Variants in AGFG1 observed in about 807,000 individuals in gnomAD.
AGFG1 encodes ArfGAP with FG repeats 1, also known as arf-GAP domain and FG repeat-containing protein 1.
In AGFG1, 10 loss-of-function variants were observed where a neutral mutation model predicts 60.6. The ratio of observed to expected loss-of-function variants is 0.16; its 90% CI spans 0.10 to 0.28. The LOEUF (loss-of-function observed/expected upper bound fraction) is 0.28. Among genes scored for constraint, AGFG1 ranks in the 10% least tolerant of loss-of-function variants. The pLI is 1.00. For synonymous variants in AGFG1, 247 were observed against 242.9 expected (o/e 1.02, Z -0.16); for missense variants, 537 against 676.5 (o/e 0.79, Z 2.29).
chr2:227,512,012 G>A (rs890803642), intron 2 of AGFG1, among the ~76,000 whole-genome samples: 5 of 152,118 alleles, frequency 3.3e-5, no homozygotes, highest in East Asian at 3.8e-4. Flanking sequence ...TGATTTTTAC[G>A]TTAAGGAAGC....
At chr2:227,477,347 C>T (rs1377989985) in intron 1 of AGFG1, among the ~76,000 whole-genome samples, 2 of 152,120 alleles carry the variant, frequency 1.3e-5, no homozygotes, top group African/African-American at 4.8e-5. Context: ...AGCTGTGTGA[C>T]AGACATTCTA....
chr2:227,520,293 G>T (rs1395507590), intron 3 of AGFG1, among the ~76,000 whole-genome samples: 1 of 152,122 alleles, frequency 6.6e-6, no homozygotes, highest in Non-Finnish European at 1.5e-5. Context: ...TAATTACCAG[G>T]AAAGTTAGGG....
intron 1 of AGFG1, among the ~76,000 whole-genome samples, chr2:227,475,392 T>C (rs1575055652): frequency 6.6e-6 from 1 of 152,122 alleles, no homozygotes; most frequent in East Asian, 1.9e-4. Context: ...GATCCCCAAA[T>C]AGAGTTCCCA....
intron 5 of AGFG1, 115 bp downstream of exon 5, chr2:227,525,030 C>A: frequency 8.3e-7 from 1 of 1,205,814 alleles, no homozygotes; most frequent in Non-Finnish European, 1.2e-6. Context: ...AATGTTTTGT[C>A]ACTTGTAACT....
At chr2:227,476,073 T>A (rs1389279546) in intron 1 of AGFG1, among the ~76,000 whole-genome samples, 3 of 152,238 alleles carry the variant, frequency 2.0e-5, no homozygotes, top group African/African-American at 4.8e-5. Flanking sequence ...GTTTCTTTTT[T>A]TTCAGATGAC....
At chr2:227,532,288 AT>A (rs1692187463) in intron 6 of AGFG1, 1 of 1,048,502 alleles carries the variant, frequency 9.5e-7, no homozygotes, top group Non-Finnish European at 1.4e-6. Context: ...CCAGTTATAG[AT>A]TGTTAATAAT....
chr2:227,486,352 T>C (rs907483965), intron 1 of AGFG1, among the ~76,000 whole-genome samples: 4 of 152,144 alleles, frequency 2.6e-5, no homozygotes, highest in Admixed American at 1.3e-4. Flanking sequence ...TTATGGACTA[T>C]CATATTGTAG....
intron 1 of AGFG1, among the ~76,000 whole-genome samples, chr2:227,483,452 A>T (rs907511539): frequency 6.6e-6 from 1 of 152,232 alleles, no homozygotes; most frequent in Non-Finnish European, 1.5e-5. Flanking sequence ...AAATTAGAAC[A>T]TGCAAGTTTT....
chr2:227,472,707 G>A (rs1480500720), intron 1 of AGFG1, 119 bp downstream of exon 1: 17 of 1,171,858 alleles, frequency 1.5e-5, no homozygotes, highest in Non-Finnish European at 1.8e-5. Context: ...GGCGGTCGGG[G>A]GCGGCCGTTG....
chr2:227,511,192 T>C (rs892606988), intron 2 of AGFG1, among the ~76,000 whole-genome samples: 7 of 152,216 alleles, frequency 4.6e-5, no homozygotes, highest in African/African-American at 1.7e-4. Flanking sequence ...CACATTCTAA[T>C]ATGTTTTTGT....
intron 2 of AGFG1, among the ~76,000 whole-genome samples, chr2:227,494,009 A>G (rs951249758): frequency 6.6e-6 from 1 of 152,152 alleles, no homozygotes; most frequent in Non-Finnish European, 1.5e-5. Context: ...GAAACTTGCA[A>G]TAGGTTGCTA....
intron 6 of AGFG1, chr2:227,532,200 G>A: frequency 6.5e-7 from 1 of 1,544,582 alleles, no homozygotes. Context: ...TCCTCTTCAG[G>A]CTACCCACAG....
chr2:227,551,912 A>T, intron 10 of AGFG1, 47 bp from the exon 11 acceptor site: 1 of 1,584,120 alleles, frequency 6.3e-7, no homozygotes, highest in Non-Finnish European at 8.6e-7. Flanking sequence ...GTGAGAAACT[A>T]AACATATCCT....
intron 3 of AGFG1, among the ~76,000 whole-genome samples, chr2:227,521,448 TTAAAA>T (rs1195100474): frequency 6.6e-6 from 1 of 152,150 alleles, no homozygotes; most frequent in Non-Finnish European, 1.5e-5. Context: ...TGAAAATAGA[TTAAAA>T]TACACCAGTA....
chr2:227,500,077 T>A (rs562197425), intron 2 of AGFG1, among the ~76,000 whole-genome samples: 2 of 152,300 alleles, frequency 1.3e-5, no homozygotes, highest in Non-Finnish European at 2.9e-5. Context: ...GTATGCCATG[T>A]GGTTATGGGG....
At chr2:227,481,863 CTTTTTTTTTTTTTT>C (rs769166509) in intron 1 of AGFG1, among the ~76,000 whole-genome samples, 1 of 117,588 alleles carries the variant, frequency 8.5e-6, no homozygotes, top group South Asian at 2.7e-4. Flanking sequence ...TTGTCCACTA[CTTTTTTTTTTTTTT>C]TTTTTTTTGA....
chr2:227,516,244 C>G (rs1691647192), intron 2 of AGFG1, among the ~76,000 whole-genome samples: 1 of 152,200 alleles, frequency 6.6e-6, no homozygotes, highest in Admixed American at 6.5e-5. Context: ...CCTAGAGGGA[C>G]TGATTTCACA....
intron 1 of AGFG1, among the ~76,000 whole-genome samples, chr2:227,482,020 C>G (rs1690483796): frequency 6.6e-6 from 1 of 152,028 alleles, no homozygotes; most frequent in East Asian, 1.9e-4. Flanking sequence ...CGCCCGCCAC[C>G]TTGCCCCGCT....
At chr2:227,490,336 T>G (rs1261769286) in intron 1 of AGFG1, among the ~76,000 whole-genome samples, 3 of 152,110 alleles carry the variant, frequency 2.0e-5, no homozygotes, top group Admixed American at 2.0e-4. Context: ...CCCAGCACTT[T>G]GGGAGGCCGA....
Sources: gnomAD v4.1 joint callset for allele counts (sites outside exome capture counted in the v4.1 genomes callset) on GRCh38, gnomAD v4.1.1 for gene constraint, MANE v1.5 for transcripts, NCBI Gene and HGNC (gene_info 2026-07-23, HGNC 2026-07-21) for gene names.